Variants in PAIP1 observed in about 807,000 individuals in gnomAD.
PAIP1 encodes polyadenylate-binding protein-interacting protein 1.
A neutral mutation model predicts 61.3 loss-of-function variants in PAIP1; 16 were observed. The observed-to-expected ratio is 0.26, with a 90% CI of 0.18 to 0.40. The LOEUF is 0.40. Among genes scored for constraint, PAIP1 ranks in the 10% least tolerant of loss-of-function variants. The probability of loss-of-function intolerance (pLI) is 1.00; values close to 1 mark genes in which losing one functional copy is unlikely to be tolerated. For missense variants in PAIP1, 416 were observed against 600.9 expected, an observed-to-expected ratio of 0.69 and a Z score of 3.22; for synonymous variants, 187 against 226.2, an observed-to-expected ratio of 0.83 and a Z score of 1.56.
At chr5:43,533,205 C>A (rs1392658198) in intron 9 of PAIP1, among the ~76,000 whole-genome samples, 1 of 152,176 alleles carries the variant, frequency 6.6e-6, no homozygotes, top group East Asian at 1.9e-4. Flanking sequence ...GGAAAAATTT[C>A]TCTTCCTCAC....
chr5:43,538,269 A>G (rs1747237291), intron 5 of PAIP1, among the ~76,000 whole-genome samples: 1 of 152,186 alleles, frequency 6.6e-6, no homozygotes, highest in Non-Finnish European at 1.5e-5. Context: ...GAATAAGTTC[A>G]AGAGATCTCT....
chr5:43,535,774 C>A, intron 6 of PAIP1, 134 bp from the exon 7 acceptor site: 1 of 609,124 alleles, frequency 1.6e-6, no homozygotes, highest in South Asian at 2.0e-5. Flanking sequence ...ATTATTCTGT[C>A]TACCATCTAA....
In PAIP1 at chr5:43,535,575, A is replaced by G. The variant is rs1467540402; in HGVS notation, c.1038T>C (p.Ile346=). 1 of 1,604,132 alleles carries G rather than the reference A, an allele frequency of 6.2e-7. No individual in the cohort carries two copies. The highest frequency in any genetic ancestry group is 2.2e-5 in the East Asian group (1 of 44,710). The part of the protein sequence containing the change: ...EKGKMDMEEI[I]QRIENVVLDA... ...CTAGGACAACGTTTTCAATTCTCTG[A>G]ATAATTTCTTCCATATCCATCTTTC... Residue 346 remains isoleucine (I), a synonymous_variant, in exon 7 of 11, where the codon ATT becomes ATC. Coordinates refer to ENST00000306846, the MANE Select transcript of PAIP1 (RefSeq NM_006451.5).
intron 3 of PAIP1, among the ~76,000 whole-genome samples, chr5:43,545,161 T>C (rs1201697417): frequency 3.3e-5 from 5 of 152,256 alleles, no homozygotes; most frequent in Non-Finnish European, 7.3e-5. Flanking sequence ...CTCACTACTC[T>C]GTAAATTTCT....
chr5:43,552,592 A>G (rs1747906207), intron 2 of PAIP1, among the ~76,000 whole-genome samples: 1 of 152,192 alleles, frequency 6.6e-6, no homozygotes. Flanking sequence ...CCAAAGAGGT[A>G]GGGGAGAAGA....
chr5:43,546,431 C>T (rs548034898), intron 3 of PAIP1, among the ~76,000 whole-genome samples: 3 of 152,320 alleles, frequency 2.0e-5, no homozygotes, highest in African/African-American at 7.2e-5. Context: ...TGAGGACAAA[C>T]AGTGCAGTTC....
intron 2 of PAIP1, among the ~76,000 whole-genome samples, chr5:43,553,556 T>C (rs965062666): frequency 6.6e-6 from 1 of 152,218 alleles, no homozygotes. Flanking sequence ...TAGCTAACTT[T>C]GGATTATGGC....
At chr5:43,546,776 C>A (rs1466082273) in intron 3 of PAIP1, among the ~76,000 whole-genome samples, 1 of 151,976 alleles carries the variant, frequency 6.6e-6, no homozygotes, top group Non-Finnish European at 1.5e-5. Context: ...TGCAGCGGCT[C>A]ATGTCTGTAA....
At chr5:43,556,154 G>A (rs566756968) in intron 1 of PAIP1, 155 bp from the exon 2 acceptor site, 3 of 1,410,266 alleles carry the variant, frequency 2.1e-6, no homozygotes, top group Admixed American at 2.9e-5. Context: ...TGTACAGACA[G>A]CCTACAAAAA....
At chr5:43,535,769 T>C (rs4533897) in intron 6 of PAIP1, 129 bp from the exon 7 acceptor site, 11,060 of 619,128 alleles carry the variant, frequency 0.018, 329 homozygotes, top group East Asian at 0.12. Flanking sequence ...TCCTAATTAT[T>C]CTGTCTACCA....
intron 6 of PAIP1, among the ~76,000 whole-genome samples, 161 bp from the exon 7 acceptor site, chr5:43,535,801 C>T (rs1052091973): frequency 4.6e-5 from 7 of 152,186 alleles, no homozygotes; most frequent in Admixed American, 2.0e-4. Flanking sequence ...GTGATCTCTA[C>T]GCCCTCTATA....
rs369954867 is a variant in PAIP1 at position 43,531,656 on chromosome 5, C to CAAAAAAAAA, written c.1253-1786_1253-1778dup. 1.9e-3 allele frequency among the ~76,000 whole-genome samples: 114 copies of CAAAAAAAAA among 59,828 alleles called. 5 individuals are homozygous for CAAAAAAAAA. The highest frequency in any genetic ancestry group is 7.8e-3 in the Middle Eastern group (1 of 128). 39.2% of individuals were successfully genotyped at this position (59,828 alleles called of 152,430 possible). A position where few individuals can be genotyped will look rare whatever the true frequency, so the allele number is the denominator to read the frequency against. On this transcript the variant is annotated intron_variant, in intron 9 of 10. Coordinates refer to ENST00000306846, the MANE Select transcript of PAIP1 (RefSeq NM_006451.5). ...TGGGTAACAGAGTGAGACTCTGTCT[C>CAAAAAAAAA]AAAAAAAAAAAAAAAAAAAAAGAGA... is the stretch of plus-strand genomic sequence containing the variant.
Position 43,556,995 on chromosome 5 carries a change from T to A in PAIP1, c.-149A>T. The A allele has an allele frequency of 1.6e-6, 2 of 1,219,698 alleles. No homozygotes were observed. Among genetic ancestry groups the A allele is most frequent in the Non-Finnish European group, 2.1e-6 (2 of 971,118 alleles). 75.6% of individuals were successfully genotyped at this position (1,219,698 alleles called of 1,614,324 possible). A position where few individuals can be genotyped will look rare whatever the true frequency, so the allele number is the denominator to read the frequency against. On this transcript the variant is annotated 5_prime_UTR_variant, in exon 1 of 11. Coordinates refer to ENST00000306846, the MANE Select transcript of PAIP1 (RefSeq NM_006451.5). Reference sequence around the variant, plus strand: ...GGGCGGCGGGCCCCGGCTCGGCTGCTCGGTGCTTCTGGCGGAGCGGACGGC... The same window carrying A: ...GGGCGGCGGGCCCCGGCTCGGCTGCACGGTGCTTCTGGCGGAGCGGACGGC...
rs1747701525 is a variant in PAIP1, at chr5:43,547,780, C to T, written c.569G>A (p.Cys190Tyr). The change falls in exon 3 of 11, where the codon TGT (cysteine) becomes TAT (tyrosine). Residue 190 changes from cysteine to tyrosine, a missense_variant. Cys to Tyr is a radical substitution (Grantham distance 194). This residue lies in a region of PAIP1 where 180 missense variants were observed against 211.2 expected (regional missense o/e 0.85). Coordinates refer to ENST00000306846, the MANE Select transcript of PAIP1 (RefSeq NM_006451.5). ...IEQFAETLNGCVTTDDALQEL... is the reference protein window; with the variant it reads ...IEQFAETLNGYVTTDDALQEL... ...TTGCAAAGCATCATCTGTTGTAACA[C>T]AACCATTCAGGGTCTCTGCAAACTG... The T allele has an allele frequency of 6.2e-7, 1 of 1,611,874 alleles. No homozygotes were observed. The highest frequency in any genetic ancestry group is 1.7e-5 in the Admixed American group (1 of 59,874).
chr5:43,534,245 G>A (rs1300274167), intron 8 of PAIP1, among the ~76,000 whole-genome samples: 4 of 152,024 alleles, frequency 2.6e-5, no homozygotes, highest in Non-Finnish European at 4.4e-5. Context: ...TGTTGCCTGG[G>A]CTGGAGTGCA....
intron 9 of PAIP1, among the ~76,000 whole-genome samples, chr5:43,531,568 A>G (rs1034229614): frequency 1.1e-4 from 16 of 148,138 alleles, no homozygotes; most frequent in African/African-American, 3.0e-4. Flanking sequence ...GAGGCAGGAG[A>G]ATTGCTTGAA....
chr5:43,528,460 T>C (rs1248389091), intron 10 of PAIP1, among the ~76,000 whole-genome samples: 1 of 152,142 alleles, frequency 6.6e-6, no homozygotes, highest in Non-Finnish European at 1.5e-5. Flanking sequence ...ATGAGCTCAT[T>C]AGGGCAAGAG....
chr5:43,540,877 G>A (rs1747372881), intron 4 of PAIP1, among the ~76,000 whole-genome samples: 1 of 151,946 alleles, frequency 6.6e-6, no homozygotes, highest in Admixed American at 6.5e-5. Flanking sequence ...AATTTCAAAG[G>A]GTTCAGACAG....
chr5:43,536,899 C>A lies in PAIP1; in HGVS notation c.892G>T (p.Val298Phe), dbSNP rs375053699. 6.3e-7 allele frequency: 1 copy of A among 1,586,280 alleles called. No homozygotes were observed. The highest frequency in any genetic ancestry group is 8.6e-7 in the Non-Finnish European group (1 of 1,161,220). Residue 298 changes from valine to phenylalanine, a missense_variant, in exon 6 of 11, where the codon GTT (valine) becomes TTT (phenylalanine). By Grantham distance (50) the Val-to-Phe change is conservative. Around this residue, in one of 4 missense-constraint regions of PAIP1, gnomAD observed 135 missense variants for 283.9 expected, o/e 0.48. Coordinates refer to ENST00000306846, the MANE Select transcript of PAIP1 (RefSeq NM_006451.5). ...GQVTRADILQ[V>F]GLRELLNALF... ...GCATTCAGCAATTCTCGAAGACCAA[C>A]CTGAAGAATATCTGCTCTTGTAACC... is the stretch of plus-strand genomic sequence containing the variant.
Sources: allele counts gnomAD v4.1 joint callset (sites outside exome capture counted in the v4.1 genomes callset), GRCh38; gene constraint gnomAD v4.1.1; regional missense constraint gnomAD v4.1.1; transcripts MANE v1.5; gene names NCBI Gene and HGNC (gene_info 2026-07-23, HGNC 2026-07-21).